FAM43A: variants seen among roughly 807,000 people sequenced by gnomAD.
FAM43A encodes the protein protein FAM43A.
A neutral mutation model predicts 15.7 loss-of-function variants in FAM43A; 11 were observed. The ratio of observed to expected loss-of-function variants is 0.70; its 90% CI spans 0.44 to 1.16. FAM43A has a LOEUF of 1.16. Among genes scored for constraint, FAM43A ranks in the 50% most tolerant of loss-of-function variants. The probability of loss-of-function intolerance (pLI) is 0.00; values close to 1 mark genes in which losing one functional copy is unlikely to be tolerated. For missense variants in FAM43A, 573 were observed against 620.0 expected (o/e 0.92, Z 0.80); for synonymous variants, 319 against 291.7 (o/e 1.09, Z -0.96).
Position 194,687,843 on chromosome 3 carries a change from G to C in FAM43A, c.1017G>C (p.Pro339=). The C allele has an allele frequency of 6.9e-7, 1 of 1,451,426 alleles. No homozygotes were observed. The highest frequency in any genetic ancestry group is 9.1e-7 in the Non-Finnish European group (1 of 1,100,264). The allele number at this position is 1,451,426 out of a possible 1,614,324, so 89.9% of individuals were successfully genotyped here. ...GGSLGPGAGP[P]PLLLGSASDM... ...CCCTGGGCCCGGGGGCCGGGCCGCC[G>C]CCTCTGCTGCTGGGCAGCGCCTCCG... The change falls in exon 1 of 1, where the codon CCG becomes CCC. Residue 339 remains proline (P), a synonymous_variant. Coordinates refer to ENST00000329759, the MANE Select transcript of FAM43A (RefSeq NM_153690.5).
In FAM43A at chr3:194,686,878, C is replaced by T. The variant is rs760764227; in HGVS notation, c.52C>T (p.Arg18Trp). ...CGAGCTGCTGGCCGAGGCGCCGCCGCGGCAGGCGTCCAAGCCCAAGGGCTA... is the reference window on the plus strand; with the variant it reads ...CGAGCTGCTGGCCGAGGCGCCGCCGTGGCAGGCGTCCAAGCCCAAGGGCTA... ...KFELLAEAPPRQASKPKGYAV... is the reference protein window; with the variant it reads ...KFELLAEAPPWQASKPKGYAV... Residue 18 changes from arginine to tryptophan, a missense_variant, in exon 1 of 1, where the codon CGG (arginine) becomes TGG (tryptophan). Coordinates refer to ENST00000329759, the MANE Select transcript of FAM43A (RefSeq NM_153690.5). 3 of 1,598,254 alleles carry T rather than the reference C, an allele frequency of 1.9e-6. No individual in the cohort carries two copies. In the South Asian group the frequency reaches 3.3e-5, roughly 18 times the overall value.
At position 194,688,248 on chromosome 3, in the gene FAM43A, C is replaced by A; in HGVS notation, c.*150C>A. ...AGCCCAGGTCCAGCGTTCCCCCGAC[C>A]GCTTTCCCCTACCTCCCGGCCCCCG... On this transcript the variant is annotated 3_prime_UTR_variant, in exon 1 of 1. Transcript: ENST00000329759. 2.1e-6 allele frequency: 2 copies of A among 936,406 alleles called. No homozygotes were observed. The highest frequency in any genetic ancestry group is 1.4e-6 in the Non-Finnish European group (1 of 704,938). The allele number at this position is 936,406 out of a possible 1,614,324, so 58.0% of individuals were successfully genotyped here.
In FAM43A at chr3:194,688,148, C is replaced by A; in HGVS notation, c.*50C>A. 1 of 1,303,100 alleles carries A rather than the reference C, an allele frequency of 7.7e-7. No homozygotes were observed. Among genetic ancestry groups the A allele is most frequent in the Non-Finnish European group, 9.8e-7 (1 of 1,019,278 alleles). The allele number at this position is 1,303,100 out of a possible 1,614,324, so 80.7% of individuals were successfully genotyped here. On this transcript the variant is annotated 3_prime_UTR_variant, in exon 1 of 1. Coordinates refer to ENST00000329759, the MANE Select transcript of FAM43A (RefSeq NM_153690.5). Reference sequence around the variant, plus strand: ...CCACCGTGGCTACCCATCCGTGGTCCCGACAACCTCCCTGTCCCTTGCCCG... The same window carrying A: ...CCACCGTGGCTACCCATCCGTGGTCACGACAACCTCCCTGTCCCTTGCCCG...
Position 194,687,742 on chromosome 3 carries a change from A to T in FAM43A, c.916A>T (p.Met306Leu). 2.6e-6 allele frequency: 4 copies of T among 1,552,126 alleles called. No homozygotes were observed. The highest frequency in any genetic ancestry group is 3.5e-6 in the Non-Finnish European group (4 of 1,146,540). Reference sequence around the variant, plus strand: ...GGCGCAGCGTGCGCTAGTGGTCGCCATGCACTTTGAGTGCGGGGACTTGTT... The same window carrying T: ...GGCGCAGCGTGCGCTAGTGGTCGCCTTGCACTTTGAGTGCGGGGACTTGTT... The part of the protein sequence containing the change: ...AEAQRALVVA[M>L]HFECGDLLDT... The change falls in exon 1 of 1, where the codon ATG becomes TTG. Residue 306 changes from methionine (M) to leucine (L), a missense_variant. Coordinates refer to ENST00000329759, the MANE Select transcript of FAM43A (RefSeq NM_153690.5).
rs562660246 is a variant in FAM43A at position 194,686,125 on chromosome 3, G to T, written c.-702G>T. Among the ~76,000 whole-genome samples the T allele has an allele frequency of 1.3e-5, 2 of 152,216 alleles. No individual in the cohort carries two copies. The highest frequency in any genetic ancestry group is 2.9e-5 in the Non-Finnish European group (2 of 68,032). On this transcript the variant is annotated 5_prime_UTR_variant, in exon 1 of 1. Coordinates refer to ENST00000329759, the MANE Select transcript of FAM43A (RefSeq NM_153690.5). ...CGAGCGCGAGTCCCCGGCGTCCGGC[G>T]GAGCGAAGATGCAGTGAGTCCCCGC...
At position 194,688,091 on chromosome 3, in the gene FAM43A, C is replaced by T; in HGVS notation, c.1265C>T (p.Ser422Leu). 7.4e-7 allele frequency: 1 copy of T among 1,358,894 alleles called. No homozygotes were observed. The allele number at this position is 1,358,894 out of a possible 1,614,324, so 84.2% of individuals were successfully genotyped here. A position where few individuals can be genotyped will look rare whatever the true frequency, so the allele number is the denominator to read the frequency against. Reference protein sequence around the residue: ...ADGASADEPHSG With the variant: ...ADGASADEPHLG ...GGCGCCAGTGCAGACGAGCCCCACT[C>T]GGGCTGAGCTCCTCCGCGCGTCGCC... Residue 422 changes from serine (S) to leucine (L), a missense_variant, in exon 1 of 1, where the codon TCG becomes TTG. Physicochemically the swap from Ser to Leu is moderately radical, Grantham distance 145 (BLOSUM62 -2). Coordinates refer to ENST00000329759, the MANE Select transcript of FAM43A (RefSeq NM_153690.5).
rs762185987 is a variant in FAM43A at position 194,687,600 on chromosome 3, C to G, written c.774C>G (p.Leu258=). Residue 258 remains leucine (L), a synonymous_variant, in exon 1 of 1, where the codon CTC becomes CTG. Transcript: ENST00000329759. ...PKLGSITEDL[L]GEQLEQELQE... ...TTGGCTCCATCACCGAGGACCTGCT[C>G]GGCGAACAGCTGGAGCAGGAGCTGC... The G allele has an allele frequency of 1.3e-6, 2 of 1,577,184 alleles. No individual in the cohort carries two copies. Among genetic ancestry groups the G allele is most frequent in the Middle Eastern group, 1.7e-4 (1 of 5,742 alleles).
Position 194,687,760 on chromosome 3 carries a change from G to T in FAM43A, c.934G>T (p.Asp312Tyr). 6.5e-7 allele frequency: 1 copy of T among 1,535,178 alleles called. No homozygotes were observed. Among genetic ancestry groups the T allele is most frequent in the South Asian group, 1.2e-5 (1 of 80,936 alleles). Reference protein sequence around the residue: ...LVVAMHFECGDLLDTLENGRG... With the variant: ...LVVAMHFECGYLLDTLENGRG... The stretch of plus-strand genomic sequence containing the variant: ...GGTCGCCATGCACTTTGAGTGCGGG[G>T]ACTTGTTGGATACTCTGGAGAATGG... The change falls in exon 1 of 1, where the codon GAC (aspartate) becomes TAC (tyrosine). Residue 312 changes from aspartate (D) to tyrosine (Y), a missense_variant. Asp to Tyr is a radical substitution (Grantham distance 160). Coordinates refer to ENST00000329759, the MANE Select transcript of FAM43A (RefSeq NM_153690.5).
Position 194,686,122 on chromosome 3 carries a change from G to C in FAM43A, c.-705G>C, listed in dbSNP as rs1190471315. 6.6e-6 allele frequency among the ~76,000 whole-genome samples: 1 copy of C among 152,214 alleles called. No individual in the cohort carries two copies. Among genetic ancestry groups the C allele is most frequent in the African/African-American group, 2.4e-5 (1 of 41,464 alleles). ...GGCCGAGCGCGAGTCCCCGGCGTCC[G>C]GCGGAGCGAAGATGCAGTGAGTCCC... On this transcript the variant is annotated 5_prime_UTR_variant, in exon 1 of 1. Transcript: ENST00000329759.
Position 194,686,654 on chromosome 3 carries a change from T to G in FAM43A, c.-173T>G. Reference sequence around the variant, plus strand: ...TTACCCGCACCTCCTGCGGGGTTCCTAAGCACTCTCTCTGCTCCCCTCCCC... The same window carrying G: ...TTACCCGCACCTCCTGCGGGGTTCCGAAGCACTCTCTCTGCTCCCCTCCCC... On this transcript the variant is annotated 5_prime_UTR_variant, in exon 1 of 1. Coordinates refer to ENST00000329759, the MANE Select transcript of FAM43A (RefSeq NM_153690.5). The G allele has an allele frequency of 1.9e-6, 1 of 522,186 alleles. No individual in the cohort carries two copies. Among genetic ancestry groups the G allele is most frequent in the Non-Finnish European group, 3.0e-6 (1 of 337,148 alleles). 32.3% of individuals were successfully genotyped at this position (522,186 alleles called of 1,614,324 possible).
At position 194,688,038 on chromosome 3, in the gene FAM43A, C is replaced by G; in HGVS notation, c.1212C>G (p.Thr404=). 1 of 1,414,656 alleles carries G rather than the reference C, an allele frequency of 7.1e-7. No homozygotes were observed. Among genetic ancestry groups the G allele is most frequent in the Non-Finnish European group, 9.2e-7 (1 of 1,083,896 alleles). The allele number at this position is 1,414,656 out of a possible 1,614,324, so 87.6% of individuals were successfully genotyped here. The change falls in exon 1 of 1, where the codon ACC becomes ACG. Residue 404 remains threonine, a synonymous_variant. Coordinates refer to ENST00000329759, the MANE Select transcript of FAM43A (RefSeq NM_153690.5). ...EGGGPDATSA[T]AGDSSRQADG... ...GGGGCCCTGACGCCACCTCCGCCAC[C>G]GCCGGGGACTCGTCCCGCCAGGCCG...
At position 194,686,595 on chromosome 3, in the gene FAM43A, C is replaced by T. The variant is rs959370311; in HGVS notation, c.-232C>T. 7.9e-6 allele frequency: 3 copies of T among 380,128 alleles called. No individual in the cohort carries two copies. Among genetic ancestry groups the T allele is most frequent in the Non-Finnish European group, 1.4e-5 (3 of 219,360 alleles). 23.5% of individuals were successfully genotyped at this position (380,128 alleles called of 1,614,324 possible). On this transcript the variant is annotated 5_prime_UTR_variant, in exon 1 of 1. Coordinates refer to ENST00000329759, the MANE Select transcript of FAM43A (RefSeq NM_153690.5). ...CTCCCCCGCACCAACCTTTTTTGCACACTCGAAGCTGAATATTTTCTTTTT... is the reference window on the plus strand; with the variant it reads ...CTCCCCCGCACCAACCTTTTTTGCATACTCGAAGCTGAATATTTTCTTTTT...
rs1719409194 is a variant in FAM43A at position 194,686,073 on chromosome 3, C to A, written c.-754C>A. ...TTCTCGGAGCCCAGCGCCGTCTCGG[C>A]CAGGCCAGCCCGGACACTGAGCGGG... On this transcript the variant is annotated 5_prime_UTR_variant, in exon 1 of 1. Transcript: ENST00000329759. Among the ~76,000 whole-genome samples the A allele has an allele frequency of 6.6e-6, 1 of 152,234 alleles. No individual in the cohort carries two copies. The highest frequency in any genetic ancestry group is 2.1e-4 in the South Asian group (1 of 4,830).
At position 194,688,005 on chromosome 3, in the gene FAM43A, C is replaced by A. The variant is rs746235969; in HGVS notation, c.1179C>A (p.Ile393=). The stretch of plus-strand genomic sequence containing the variant: ...ACAGCACGGGCAGCGAGAGCTCCAT[C>A]GAGGGCGGGGGCCCTGACGCCACCT... The part of the protein sequence containing the change: ...SGDSTGSESS[I]EGGGPDATSA... The change falls in exon 1 of 1, where the codon ATC becomes ATA. Residue 393 remains isoleucine, a synonymous_variant. Coordinates refer to ENST00000329759, the MANE Select transcript of FAM43A (RefSeq NM_153690.5). 2 of 1,421,892 alleles carry A rather than the reference C, an allele frequency of 1.4e-6. No homozygotes were observed. The highest frequency in any genetic ancestry group is 1.5e-5 in the African/African-American group (1 of 66,876). The allele number at this position is 1,421,892 out of a possible 1,614,324, so 88.1% of individuals were successfully genotyped here.
In FAM43A at chr3:194,686,706, C is replaced by G; in HGVS notation, c.-121C>G. 9.6e-7 allele frequency: 1 copy of G among 1,040,602 alleles called. No homozygotes were observed. The highest frequency in any genetic ancestry group is 1.3e-6 in the Non-Finnish European group (1 of 798,084). The allele number at this position is 1,040,602 out of a possible 1,614,324, so 64.5% of individuals were successfully genotyped here. On this transcript the variant is annotated 5_prime_UTR_variant, in exon 1 of 1. Coordinates refer to ENST00000329759, the MANE Select transcript of FAM43A (RefSeq NM_153690.5). ...CAACTCCCTACCACAGGGCCGCTCC[C>G]AGTAGTTTTATTCTTCGATCTTGCC...
chr3:194,687,581 C>T lies in FAM43A; in HGVS notation c.755C>T (p.Ser252Phe). The T allele has an allele frequency of 6.3e-7, 1 of 1,586,152 alleles. No individual in the cohort carries two copies. The highest frequency in any genetic ancestry group is 8.6e-7 in the Non-Finnish European group (1 of 1,166,114). The stretch of plus-strand genomic sequence containing the variant: ...AGCCGCAGCGCGCCCAAGCTTGGCT[C>T]CATCACCGAGGACCTGCTCGGCGAA... ...ERSRSAPKLGSITEDLLGEQL... is the reference protein window; with the variant it reads ...ERSRSAPKLGFITEDLLGEQL... The change falls in exon 1 of 1, where the codon TCC becomes TTC. Residue 252 changes from serine (S) to phenylalanine (F), a missense_variant. Physicochemically the swap from Ser to Phe is radical, Grantham distance 155. Coordinates refer to ENST00000329759, the MANE Select transcript of FAM43A (RefSeq NM_153690.5).
At position 194,686,662 on chromosome 3, in the gene FAM43A, C is replaced by T. The variant is rs983153797; in HGVS notation, c.-165C>T. 8 of 566,934 alleles carry T rather than the reference C, an allele frequency of 1.4e-5. No individual in the cohort carries two copies. Among genetic ancestry groups the T allele is most frequent in the Non-Finnish European group, 2.1e-5 (8 of 376,788 alleles). The allele number at this position is 566,934 out of a possible 1,614,324, so 35.1% of individuals were successfully genotyped here. The stretch of plus-strand genomic sequence containing the variant: ...ACCTCCTGCGGGGTTCCTAAGCACT[C>T]TCTCTGCTCCCCTCCCCCCAACTCC... On this transcript the variant is annotated 5_prime_UTR_variant, in exon 1 of 1. Transcript: ENST00000329759.
At position 194,686,954 on chromosome 3, in the gene FAM43A, C is replaced by G; in HGVS notation, c.128C>G (p.Pro43Arg). The change falls in exon 1 of 1, where the codon CCC becomes CGC. Residue 43 changes from proline (P) to arginine (R), a missense_variant. Transcript: ENST00000329759. ...SALSSLARAC[P>R]EGALSRVGSM... ...CTCAGCTCGCTGGCGCGGGCGTGCC[C>G]CGAAGGCGCGCTTAGCCGGGTGGGC... is the stretch of plus-strand genomic sequence containing the variant. The G allele has an allele frequency of 2.5e-6, 4 of 1,610,576 alleles. No homozygotes were observed. In the South Asian group the frequency reaches 4.4e-5, roughly 18 times the overall value.
At position 194,687,506 on chromosome 3, in the gene FAM43A, G is replaced by A. The variant is rs780580491; in HGVS notation, c.680G>A (p.Arg227His). 2 of 1,548,714 alleles carry A rather than the reference G, an allele frequency of 1.3e-6. No individual in the cohort carries two copies. Among genetic ancestry groups the A allele is most frequent in the Non-Finnish European group, 1.7e-6 (2 of 1,144,970 alleles). ...CACACCATCCCGCTAGTGCCGCTGC[G>A]CAAGCTGCTCCTACACGGACCCTGC... ...GAHTIPLVPL[R>H]KLLLHGPCCY... The change falls in exon 1 of 1, where the codon CGC becomes CAC. Residue 227 changes from arginine (R) to histidine (H), a missense_variant. Transcript: ENST00000329759.
Sources: allele counts gnomAD v4.1 joint callset (sites outside exome capture counted in the v4.1 genomes callset), GRCh38; gene constraint gnomAD v4.1.1; transcripts MANE v1.5; gene names NCBI Gene and HGNC (gene_info 2026-07-23, HGNC 2026-07-21).